The following ZDHHC12 variants were observed in gnomAD, a reference collection of about 807,000 sequenced individuals.
ZDHHC12 encodes the protein palmitoyltransferase ZDHHC12.
In ZDHHC12, 26 loss-of-function variants were observed where a neutral mutation model predicts 33.2. The ratio of observed to expected loss-of-function variants is 0.78; its 90% CI spans 0.57 to 1.09. The LOEUF (loss-of-function observed/expected upper bound fraction) is 1.09. ZDHHC12 is among the 50% of genes least tolerant of loss of function. The pLI is 0.00. For missense variants in ZDHHC12, 350 were observed against 353.0 expected (o/e 0.99, Z 0.07); for synonymous variants, 154 against 152.1 (o/e 1.01, Z -0.09).
At position 128,722,354 on chromosome 9, in the gene ZDHHC12, C is replaced by T; in HGVS notation, c.237+84G>A. On this transcript the variant is annotated intron_variant, in intron 2 of 4. Coordinates refer to ENST00000372663, the MANE Select transcript of ZDHHC12 (RefSeq NM_032799.5). This position sits in a 1 kb window ranked among gnomAD's most constrained non-coding sequence, Gnocchi z 4.2. ...AAGAGGAGTCACTGAACTGCTCCCA[C>T]AAGAGCCTGCAGCACAGAGCCTGGC... 2 of 1,440,586 alleles carry T rather than the reference C, an allele frequency of 1.4e-6. No individual in the cohort carries two copies. The highest frequency in any genetic ancestry group is 1.8e-6 in the Non-Finnish European group (2 of 1,088,830). The allele number at this position is 1,440,586 out of a possible 1,614,324, so 89.2% of individuals were successfully genotyped here.
chr9:128,721,166 C>T lies in ZDHHC12; in HGVS notation c.*15G>A, dbSNP rs754313362. The T allele has an allele frequency of 1.6e-5, 24 of 1,537,894 alleles. No homozygotes were observed. The highest frequency in any genetic ancestry group is 2.4e-5 in the East Asian group (1 of 42,374). On this transcript the variant is annotated 3_prime_UTR_variant, in exon 5 of 5. Coordinates refer to ENST00000372663, the MANE Select transcript of ZDHHC12 (RefSeq NM_032799.5). The surrounding 1 kb of genome is among the most constrained non-coding windows in gnomAD (Gnocchi z 6.9). Reference sequence around the variant, plus strand: ...GGTTTTCAGGCACAAGACGGTAGCCCGGCCTCCAGCAACCCTAAACAGCTG... The same window carrying T: ...GGTTTTCAGGCACAAGACGGTAGCCTGGCCTCCAGCAACCCTAAACAGCTG...
Position 128,721,663 on chromosome 9 carries a change from A to G in ZDHHC12, c.470T>C (p.Leu157Pro). The G allele has an allele frequency of 6.2e-7, 1 of 1,613,770 alleles. No homozygotes were observed. The highest frequency in any genetic ancestry group is 1.1e-5 in the South Asian group (1 of 91,082). Reference sequence around the variant, plus strand: ...CAGCAGCACCCACCATGCCAGGTACAGGCCCCACAGAAGCACCACCAGCTG... The same window carrying G: ...CAGCAGCACCCACCATGCCAGGTACGGGCCCCACAGAAGCACCACCAGCTG... ...ALQLVVLLWG[L>P]YLAWSGLRFF... The change falls in exon 4 of 5, where the codon CTG becomes CCG. Residue 157 changes from leucine to proline, a missense_variant. By Grantham distance (98) the Leu-to-Pro change is moderately conservative (BLOSUM62 -3). Transcript: ENST00000372663. The surrounding 1 kb of genome is among the most constrained non-coding windows in gnomAD (Gnocchi z 6.9).
Position 128,724,089 on chromosome 9 carries a change from G to C in ZDHHC12, c.5C>G (p.Ala2Gly), listed in dbSNP as rs1862655914. 5 of 1,577,878 alleles carry C rather than the reference G, an allele frequency of 3.2e-6. No individual in the cohort carries two copies. Among genetic ancestry groups the C allele is most frequent in the Non-Finnish European group, 4.3e-6 (5 of 1,158,680 alleles). The change falls in exon 1 of 5, where the codon GCG (alanine) becomes GGG (glycine). Residue 2 changes from alanine (A) to glycine (G), a missense_variant. Coordinates refer to ENST00000372663, the MANE Select transcript of ZDHHC12 (RefSeq NM_032799.5). The part of the protein sequence containing the change: M[A>G]PWALLSPGVL... Reference sequence around the variant, plus strand: ...CCCAGGGCTGAGGAGCGCCCAGGGCGCCATCGCCTCGGCCCGGGGCCCCAC... The same window carrying C: ...CCCAGGGCTGAGGAGCGCCCAGGGCCCCATCGCCTCGGCCCGGGGCCCCAC...
rs1191816535 is a variant in ZDHHC12, at chr9:128,722,700, G to C, written c.101-126C>G. 1 of 1,475,454 alleles carries C rather than the reference G, an allele frequency of 6.8e-7. No individual in the cohort carries two copies. Among genetic ancestry groups the C allele is most frequent in the Non-Finnish European group, 9.0e-7 (1 of 1,107,372 alleles). 91.4% of individuals were successfully genotyped at this position (1,475,454 alleles called of 1,614,324 possible). On this transcript the variant is annotated intron_variant, in intron 1 of 4. Transcript: ENST00000372663. The surrounding 1 kb of genome is among the most constrained non-coding windows in gnomAD (Gnocchi z 4.2). ...AAAGGCCTGGAGATGTTGGTTCCATGAGTGGCTGTGTGTGGCCAGCAGTTC... is the reference window on the plus strand; with the variant it reads ...AAAGGCCTGGAGATGTTGGTTCCATCAGTGGCTGTGTGTGGCCAGCAGTTC...
rs1439970439 is a variant in ZDHHC12 at position 128,721,014 on chromosome 9, G to C, written c.*167C>G. 4 of 755,554 alleles carry C rather than the reference G, an allele frequency of 5.3e-6. No individual in the cohort carries two copies. The highest frequency in any genetic ancestry group is 8.2e-6 in the Non-Finnish European group (4 of 486,720). The allele number at this position is 755,554 out of a possible 1,614,324, so 46.8% of individuals were successfully genotyped here. A position where few individuals can be genotyped will look rare whatever the true frequency, so the allele number is the denominator to read the frequency against. ...CTTTTCTTCCCCTTCTTCCTTGGAA[G>C]GCAGAACTGCCCACCAAGGCAGGGA... On this transcript the variant is annotated 3_prime_UTR_variant, in exon 5 of 5. Transcript: ENST00000372663. This position sits in a 1 kb window ranked among gnomAD's most constrained non-coding sequence, Gnocchi z 6.9.
Position 128,721,608 on chromosome 9 carries a change from C to T in ZDHHC12, c.482+43G>A. The T allele has an allele frequency of 6.2e-7, 1 of 1,600,358 alleles. No individual in the cohort carries two copies. Among genetic ancestry groups the T allele is most frequent in the Non-Finnish European group, 8.5e-7 (1 of 1,171,822 alleles). On this transcript the variant is annotated intron_variant, in intron 4 of 4. Coordinates refer to ENST00000372663, the MANE Select transcript of ZDHHC12 (RefSeq NM_032799.5). The surrounding 1 kb of genome is among the most constrained non-coding windows in gnomAD (Gnocchi z 6.9). ...CTGGCTCTGTCCACCCCTGTGGGAG[C>T]ATTCATCCCACCCTCCCTCTACACC...
At position 128,722,689 on chromosome 9, in the gene ZDHHC12, G is replaced by A; in HGVS notation, c.101-115C>T. On this transcript the variant is annotated intron_variant, in intron 1 of 4. Coordinates refer to ENST00000372663, the MANE Select transcript of ZDHHC12 (RefSeq NM_032799.5). The surrounding 1 kb of genome is among the most constrained non-coding windows in gnomAD (Gnocchi z 4.2). ...CCTGGCTGAGCAAAGGCCTGGAGATGTTGGTTCCATGAGTGGCTGTGTGTG... is the reference window on the plus strand; with the variant it reads ...CCTGGCTGAGCAAAGGCCTGGAGATATTGGTTCCATGAGTGGCTGTGTGTG... 1 of 1,490,886 alleles carries A rather than the reference G, an allele frequency of 6.7e-7. No homozygotes were observed. The highest frequency in any genetic ancestry group is 9.0e-7 in the Non-Finnish European group (1 of 1,114,642). 92.4% of individuals were successfully genotyped at this position (1,490,886 alleles called of 1,614,324 possible).
Position 128,722,706 on chromosome 9 carries a change from C to A in ZDHHC12, c.101-132G>T. ...CTGGAGATGTTGGTTCCATGAGTGG[C>A]TGTGTGTGGCCAGCAGTTCATCTGC... On this transcript the variant is annotated intron_variant, in intron 1 of 4. Coordinates refer to ENST00000372663, the MANE Select transcript of ZDHHC12 (RefSeq NM_032799.5). The surrounding 1 kb of genome is among the most constrained non-coding windows in gnomAD (Gnocchi z 4.2). 6.8e-7 allele frequency: 1 copy of A among 1,469,076 alleles called. No individual in the cohort carries two copies. The highest frequency in any genetic ancestry group is 1.4e-5 in the African/African-American group (1 of 70,466). The allele number at this position is 1,469,076 out of a possible 1,614,324, so 91.0% of individuals were successfully genotyped here. A position where few individuals can be genotyped will look rare whatever the true frequency, so the allele number is the denominator to read the frequency against.
chr9:128,722,164 G>T lies in ZDHHC12; in HGVS notation c.238-78C>A. On this transcript the variant is annotated intron_variant, in intron 2 of 4. Transcript: ENST00000372663. This position sits in a 1 kb window ranked among gnomAD's most constrained non-coding sequence, Gnocchi z 4.2. ...TTGGCGGGCAGCTCCCCTAGGGGCC[G>T]GCTTAGCTCTGGGTATGGAGTTTGG... 3.2e-6 allele frequency: 5 copies of T among 1,552,340 alleles called. No homozygotes were observed. Among genetic ancestry groups the T allele is most frequent in the African/African-American group, 1.4e-5 (1 of 73,764 alleles).
rs756719807 is a variant in ZDHHC12 at position 128,721,990 on chromosome 9, G to C, written c.315+19C>G. The C allele has an allele frequency of 3.7e-6, 6 of 1,613,934 alleles. No individual in the cohort carries two copies. The highest frequency in any genetic ancestry group is 5.1e-6 in the Non-Finnish European group (6 of 1,179,972). Reference sequence around the variant, plus strand: ...AGCTTTGGCCCAACCTCTCCCACGGGTGTCCGTGCATCACTCACCAGCACC... The same window carrying C: ...AGCTTTGGCCCAACCTCTCCCACGGCTGTCCGTGCATCACTCACCAGCACC... On this transcript the variant is annotated intron_variant, in intron 3 of 4. Transcript: ENST00000372663. The surrounding 1 kb of genome is among the most constrained non-coding windows in gnomAD (Gnocchi z 6.9).
At position 128,720,908 on chromosome 9, in the gene ZDHHC12, G is replaced by T. The variant is rs1862523177; in HGVS notation, c.*273C>A. On this transcript the variant is annotated 3_prime_UTR_variant, in exon 5 of 5. Transcript: ENST00000372663. This position sits in a 1 kb window ranked among gnomAD's most constrained non-coding sequence, Gnocchi z 5.5. ...ACTGGACTTGCTTTATATTAAATTTGTAAAAGTGTGCACTGGCAGCAGCCT... is the reference window on the plus strand; with the variant it reads ...ACTGGACTTGCTTTATATTAAATTTTTAAAAGTGTGCACTGGCAGCAGCCT... 1.8e-6 allele frequency: 1 copy of T among 563,568 alleles called. No homozygotes were observed. The highest frequency in any genetic ancestry group is 1.9e-5 in the African/African-American group (1 of 53,002). The allele number at this position is 563,568 out of a possible 1,614,324, so 34.9% of individuals were successfully genotyped here. A position where few individuals can be genotyped will look rare whatever the true frequency, so the allele number is the denominator to read the frequency against.
chr9:128,724,117 G>C lies in ZDHHC12; in HGVS notation c.-24C>G. On this transcript the variant is annotated 5_prime_UTR_variant, in exon 1 of 5. Coordinates refer to ENST00000372663, the MANE Select transcript of ZDHHC12 (RefSeq NM_032799.5). The stretch of plus-strand genomic sequence containing the variant: ...ATCGCCTCGGCCCGGGGCCCCACCC[G>C]GAAGAAGCGCCCAGAGGGGCGGGCC... The C allele has an allele frequency of 6.6e-7, 1 of 1,517,694 alleles. No homozygotes were observed. The highest frequency in any genetic ancestry group is 8.9e-7 in the Non-Finnish European group (1 of 1,128,430). 94.0% of individuals were successfully genotyped at this position (1,517,694 alleles called of 1,614,324 possible).
chr9:128,724,109 C>G lies in ZDHHC12; in HGVS notation c.-16G>C, dbSNP rs748030284. 6.5e-7 allele frequency: 1 copy of G among 1,529,594 alleles called. No homozygotes were observed. The highest frequency in any genetic ancestry group is 2.0e-5 in the Admixed American group (1 of 49,372). 94.8% of individuals were successfully genotyped at this position (1,529,594 alleles called of 1,614,324 possible). Reference sequence around the variant, plus strand: ...AGGGCGCCATCGCCTCGGCCCGGGGCCCCACCCGGAAGAAGCGCCCAGAGG... The same window carrying G: ...AGGGCGCCATCGCCTCGGCCCGGGGGCCCACCCGGAAGAAGCGCCCAGAGG... On this transcript the variant is annotated 5_prime_UTR_variant, in exon 1 of 5. Coordinates refer to ENST00000372663, the MANE Select transcript of ZDHHC12 (RefSeq NM_032799.5).
Position 128,723,072 on chromosome 9 carries a change from G to A in ZDHHC12, c.101-498C>T, listed in dbSNP as rs771259559. On this transcript the variant is annotated intron_variant, in intron 1 of 4. Coordinates refer to ENST00000372663, the MANE Select transcript of ZDHHC12 (RefSeq NM_032799.5). This position sits in a 1 kb window ranked among gnomAD's most constrained non-coding sequence, Gnocchi z 4.4. ...GCTGGCAGGCTCAGATGCTGCAGAG[G>A]GGCATACGGAAGGGTCCAGCAGGCT... 6.0e-4 allele frequency: 104 copies of A among 172,686 alleles called. No individual in the cohort carries two copies. The highest frequency in any genetic ancestry group is 9.8e-4 in the Admixed American group (16 of 16,312). 10.7% of individuals were successfully genotyped at this position (172,686 alleles called of 1,614,324 possible).
In ZDHHC12 at chr9:128,721,136, C is replaced by A; in HGVS notation, c.*45G>T. The A allele has an allele frequency of 1.3e-6, 2 of 1,489,018 alleles. No individual in the cohort carries two copies. Among genetic ancestry groups the A allele is most frequent in the African/African-American group, 1.4e-5 (1 of 71,962 alleles). 92.2% of individuals were successfully genotyped at this position (1,489,018 alleles called of 1,614,324 possible). ...GCGCTCACCCCAGCTGGGGACAGGC[C>A]CCGTGGTTTTCAGGCACAAGACGGT... On this transcript the variant is annotated 3_prime_UTR_variant, in exon 5 of 5. Transcript: ENST00000372663. The surrounding 1 kb of genome is among the most constrained non-coding windows in gnomAD (Gnocchi z 6.9).
chr9:128,721,596 C>T lies in ZDHHC12; in HGVS notation c.482+55G>A. On this transcript the variant is annotated intron_variant, in intron 4 of 4. Coordinates refer to ENST00000372663, the MANE Select transcript of ZDHHC12 (RefSeq NM_032799.5). The surrounding 1 kb of genome is among the most constrained non-coding windows in gnomAD (Gnocchi z 6.9). Reference sequence around the variant, plus strand: ...TCCCTGGGAGTCCTGGCTCTGTCCACCCCTGTGGGAGCATTCATCCCACCC... The same window carrying T: ...TCCCTGGGAGTCCTGGCTCTGTCCATCCCTGTGGGAGCATTCATCCCACCC... 6.3e-7 allele frequency: 1 copy of T among 1,599,396 alleles called. No homozygotes were observed. Among genetic ancestry groups the T allele is most frequent in the Non-Finnish European group, 8.5e-7 (1 of 1,171,222 alleles).
rs1387455581 is a variant in ZDHHC12 at position 128,721,475 on chromosome 9, C to A, written c.510G>T (p.Trp170Cys). ...AWSGLRFFQP[W>C]GQWLRSSGLL... ...GCCCGCTGGACCGCAACCACTGACC[C>A]CAGGGCTGGAAGAACCGGAGGCCTG... The change falls in exon 5 of 5, where the codon TGG (tryptophan) becomes TGT (cysteine). Residue 170 changes from tryptophan to cysteine, a missense_variant. Transcript: ENST00000372663. This position sits in a 1 kb window ranked among gnomAD's most constrained non-coding sequence, Gnocchi z 6.9. 1.9e-6 allele frequency: 3 copies of A among 1,595,110 alleles called. No individual in the cohort carries two copies. Among genetic ancestry groups the A allele is most frequent in the Non-Finnish European group, 2.6e-6 (3 of 1,171,428 alleles).
rs1589503291 is a variant in ZDHHC12, at chr9:128,723,588, T to G, written c.100+406A>C. The G allele has an allele frequency of 1.0e-5, 3 of 295,868 alleles. No individual in the cohort carries two copies. The highest frequency in any genetic ancestry group is 5.2e-5 in the Admixed American group (1 of 19,160). The allele number at this position is 295,868 out of a possible 1,614,324, so 18.3% of individuals were successfully genotyped here. On this transcript the variant is annotated intron_variant, in intron 1 of 4. Transcript: ENST00000372663. This position sits in a 1 kb window ranked among gnomAD's most constrained non-coding sequence, Gnocchi z 4.4. ...CTAGTGGCCATGGGGGTGTGGGGGG[T>G]GTGGGTGTGGGCAGAATGCCAATCT...
chr9:128,722,619 G>A lies in ZDHHC12; in HGVS notation c.101-45C>T. On this transcript the variant is annotated intron_variant, in intron 1 of 4. Coordinates refer to ENST00000372663, the MANE Select transcript of ZDHHC12 (RefSeq NM_032799.5). The surrounding 1 kb of genome is among the most constrained non-coding windows in gnomAD (Gnocchi z 4.2). ...CAGTGAGGCTGGGCCGGGTAGAACA[G>A]GAGTGGGTGGGGTTGGGGTGCAGTT... The A allele has an allele frequency of 6.4e-7, 1 of 1,573,692 alleles. No individual in the cohort carries two copies. The highest frequency in any genetic ancestry group is 8.6e-7 in the Non-Finnish European group (1 of 1,159,120).
Sources: allele counts gnomAD v4.1 joint callset, GRCh38; gene constraint gnomAD v4.1.1; non-coding constraint Gnocchi (gnomAD v3.1); transcripts MANE v1.5; gene names NCBI Gene and HGNC (gene_info 2026-07-23, HGNC 2026-07-21).